ZNF268: variants seen among roughly 807,000 people sequenced by gnomAD.
ZNF268 encodes the protein zinc finger protein 268, also known as zinc finger protein 3.
Under a neutral mutation model 29.3 loss-of-function variants are expected in ZNF268, and 20 were observed. The ratio of observed to expected loss-of-function variants is 0.68; its 90% CI spans 0.48 to 0.99. The LOEUF is 0.99. Among genes scored for constraint, ZNF268 ranks in the 50% least tolerant of loss-of-function variants. The pLI, the probability that ZNF268 is intolerant of heterozygous loss-of-function variation, is 0.00. For synonymous variants in ZNF268, 429 were observed against 376.9 expected, an observed-to-expected ratio of 1.14 and a Z score of -1.60; for missense variants, 1,240 against 1,121.6, an observed-to-expected ratio of 1.11 and a Z score of -1.51.
rs1040568986 is a variant in ZNF268 at position 133,207,930 on chromosome 12, C to A, written c.*3400C>A. 1.3e-5 allele frequency: 2 copies of A among 152,146 alleles called. No individual in the cohort carries two copies. Among genetic ancestry groups the A allele is most frequent in the African/African-American group, 4.8e-5 (2 of 41,432 alleles). The allele number at this position is 152,146 out of a possible 1,614,324, so 9.4% of individuals were successfully genotyped here. On this transcript the variant is annotated 3_prime_UTR_variant, in exon 6 of 6. Coordinates refer to ENST00000536435, the MANE Select transcript of ZNF268 (RefSeq NM_003415.3). ...AAATCACTTGATGGAATTTAACACC[C>A]ATAGATGACACTAAAATACTATTAA... is the stretch of plus-strand genomic sequence containing the variant.
At chr12:133,181,768 C>T (rs1566359978) in intron 1 of ZNF268, 82 bp downstream of exon 1, 5 of 561,686 alleles carry the variant, frequency 8.9e-6, no homozygotes, top group South Asian at 4.5e-5. Flanking sequence ...TGACCCGGGG[C>T]GGTTGCCTGA....
chr12:133,198,443 T>C (rs951430673), intron 5 of ZNF268, among the ~76,000 whole-genome samples: 48 of 151,464 alleles, frequency 3.2e-4, no homozygotes, highest in South Asian at 1.0e-3. Context: ...TGTAGCCTTG[T>C]AGTATAGTTT....
chr12:133,183,804 A>G (rs753279823), intron 2 of ZNF268, among the ~76,000 whole-genome samples: 2 of 152,198 alleles, frequency 1.3e-5, no homozygotes, highest in Non-Finnish European at 2.9e-5. Flanking sequence ...GTGGTCAGGG[A>G]AATGACAAGA....
chr12:133,188,583 A>G (rs1414601977), intron 3 of ZNF268, among the ~76,000 whole-genome samples: 1 of 151,688 alleles, frequency 6.6e-6, no homozygotes, highest in South Asian at 2.1e-4. Context: ...CTCAATTTTC[A>G]TCTCCTTTCC....
chr12:133,210,366 C>T lies in ZNF268; in HGVS notation c.*5836C>T, dbSNP rs547022683. On this transcript the variant is annotated 3_prime_UTR_variant, in exon 6 of 6. Coordinates refer to ENST00000536435, the MANE Select transcript of ZNF268 (RefSeq NM_003415.3). ...GTTGCATCCCCCACCACGGGTCAGT[C>T]CTGAGGAGGATACTCTGGTCATCAC... 28 of 177,798 alleles carry T rather than the reference C, an allele frequency of 1.6e-4. No homozygotes were observed. Among genetic ancestry groups the T allele is most frequent in the African/African-American group, 6.5e-4 (28 of 42,772 alleles). The allele number at this position is 177,798 out of a possible 1,614,324, so 11.0% of individuals were successfully genotyped here.
chr12:133,198,211 A>G lies in ZNF268; in HGVS notation c.458-3933A>G, dbSNP rs1182809241. 6.8e-5 allele frequency among the ~76,000 whole-genome samples: 10 copies of G among 147,912 alleles called. No homozygotes were observed. In the East Asian group the frequency reaches 1.7e-3, roughly 26 times the overall value. On this transcript the variant is annotated intron_variant, in intron 5 of 5. Transcript: ENST00000536435. The stretch of plus-strand genomic sequence containing the variant: ...TAATCCATCTTGAATTGATTTTTGT[A>G]TAAGGTGTAAGGAAGGGATCCAGTT...
chr12:133,211,750 ACT>A lies in ZNF268; in HGVS notation c.*7224_*7225del, dbSNP rs1956985868. 1 of 152,216 alleles carries A rather than the reference ACT, an allele frequency of 6.6e-6. No homozygotes were observed. The highest frequency in any genetic ancestry group is 1.5e-5 in the Non-Finnish European group (1 of 68,066). 9.4% of individuals were successfully genotyped at this position (152,216 alleles called of 1,614,324 possible). On this transcript the variant is annotated 3_prime_UTR_variant, in exon 6 of 6. Transcript: ENST00000536435. ...AAGTAAATTTGCAATTGCAACAGGA[ACT>A]CTCATTCATTGCTGGTGCAATGCAT... is the stretch of plus-strand genomic sequence containing the variant.
rs958890201 is a variant in ZNF268 at position 133,206,788 on chromosome 12, A to G, written c.*2258A>G. ...TGAAGAATGATGATTCACAGAAGGGAAGGGACATCTTACATAAACAAATAA... is the reference window on the plus strand; with the variant it reads ...TGAAGAATGATGATTCACAGAAGGGGAGGGACATCTTACATAAACAAATAA... On this transcript the variant is annotated 3_prime_UTR_variant, in exon 6 of 6. Coordinates refer to ENST00000536435, the MANE Select transcript of ZNF268 (RefSeq NM_003415.3). 6.6e-6 allele frequency: 1 copy of G among 152,226 alleles called. No homozygotes were observed. Among genetic ancestry groups the G allele is most frequent in the Admixed American group, 6.5e-5 (1 of 15,280 alleles). 9.4% of individuals were successfully genotyped at this position (152,226 alleles called of 1,614,324 possible).
chr12:133,196,290 C>G (rs1956595720), intron 5 of ZNF268, among the ~76,000 whole-genome samples: 1 of 148,400 alleles, frequency 6.7e-6, no homozygotes, highest in Non-Finnish European at 1.5e-5. Flanking sequence ...CCACTGCACT[C>G]CAGCCTGGCG....
Position 133,207,304 on chromosome 12 carries a change from GGTTTAAAAATCCATATTTGTGA to G in ZNF268, c.*2775_*2796del, listed in dbSNP as rs1407595748. 1.9e-4 allele frequency: 4 copies of G among 20,650 alleles called. No individual in the cohort carries two copies. The highest frequency in any genetic ancestry group is 7.0e-4 in the Admixed American group (1 of 1,424). 1.3% of individuals were successfully genotyped at this position (20,650 alleles called of 1,614,324 possible). ...CTTGCAAACCATATTTGTGAACATA[GGTTTAAAAATCCATATTTGTGA>G]ACATAGGTTTAAAAATCCATATTTG... is the stretch of plus-strand genomic sequence containing the variant. On this transcript the variant is annotated 3_prime_UTR_variant, in exon 6 of 6. Coordinates refer to ENST00000536435, the MANE Select transcript of ZNF268 (RefSeq NM_003415.3).
rs781577602 is a variant in ZNF268 at position 133,188,004 on chromosome 12, C to A, written c.166C>A (p.Arg56Ser). ...AACACCCAGGCAGAAGCAGAAGAGT[C>A]GCAGAATAGAGAAAGTCCTAGAGTG... ...PGTPRQKQKSRRIEKVLEWLF... is the reference protein window; with the variant it reads ...PGTPRQKQKSSRIEKVLEWLF... Residue 56 changes from arginine (R) to serine (S), a missense_variant, in exon 3 of 6, where the codon CGC becomes AGC. Physicochemically the swap from Arg to Ser is moderately radical, Grantham distance 110 (BLOSUM62 -1). Transcript: ENST00000536435. 6.3e-7 allele frequency: 1 copy of A among 1,596,434 alleles called. No individual in the cohort carries two copies. The highest frequency in any genetic ancestry group is 8.5e-7 in the Non-Finnish European group (1 of 1,171,136).
chr12:133,182,609 T>C (rs1290678630), intron 2 of ZNF268, among the ~76,000 whole-genome samples: 1 of 152,084 alleles, frequency 6.6e-6, no homozygotes. Context: ...CCCTAACCCC[T>C]TACTCCCAAA....
At position 133,205,526 on chromosome 12, in the gene ZNF268, TATC is replaced by T. The variant is rs1401296805; in HGVS notation, c.*1000_*1002del. On this transcript the variant is annotated 3_prime_UTR_variant, in exon 6 of 6. Coordinates refer to ENST00000536435, the MANE Select transcript of ZNF268 (RefSeq NM_003415.3). ...ACTGACAATATCTCTGATATGACAATATCATCTTCCAGAGATTTCTACTCTGCA... is the reference window on the plus strand; with the variant it reads ...ACTGACAATATCTCTGATATGACAATATCTTCCAGAGATTTCTACTCTGCA... 2 of 152,166 alleles carry T rather than the reference TATC, an allele frequency of 1.3e-5. No homozygotes were observed. Among genetic ancestry groups the T allele is most frequent in the Non-Finnish European group, 2.9e-5 (2 of 68,022 alleles). 9.4% of individuals were successfully genotyped at this position (152,166 alleles called of 1,614,324 possible). A position where few individuals can be genotyped will look rare whatever the true frequency, so the allele number is the denominator to read the frequency against.
chr12:133,181,956 G>A lies in ZNF268; in HGVS notation c.-42G>A. ...TGCTCTCTCTTCTAGCATCCCTCGC[G>A]TCCTGTCACTTCCAGCGAGGCACAC... On this transcript the variant is annotated 5_prime_UTR_variant, in exon 2 of 6. Transcript: ENST00000536435. 6.4e-7 allele frequency: 1 copy of A among 1,554,218 alleles called. No homozygotes were observed. The highest frequency in any genetic ancestry group is 1.2e-5 in the South Asian group (1 of 84,166).
In ZNF268 at chr12:133,184,116, T is replaced by G. The variant is rs1343946037; in HGVS notation, c.33+2086T>G. Among the ~76,000 whole-genome samples, 4 of 124,610 alleles carry G rather than the reference T, an allele frequency of 3.2e-5. No homozygotes were observed. The South Asian group carries it at 8.8e-4, about 27-fold the overall frequency. The allele number at this position is 124,610 out of a possible 152,430, so 81.7% of individuals were successfully genotyped here. ...GATGAGGCCTGCTTTCTTGTTTTCT[T>G]TTTTTTTTTGGAGACAGTCTCTCTC... On this transcript the variant is annotated intron_variant, in intron 2 of 5. Coordinates refer to ENST00000536435, the MANE Select transcript of ZNF268 (RefSeq NM_003415.3).
In ZNF268 at chr12:133,210,854, G is replaced by A; in HGVS notation, c.*6324G>A. 2.2e-6 allele frequency: 1 copy of A among 456,046 alleles called. No individual in the cohort carries two copies. Among genetic ancestry groups the A allele is most frequent in the South Asian group, 1.5e-5 (1 of 64,570 alleles). The allele number at this position is 456,046 out of a possible 1,614,324, so 28.2% of individuals were successfully genotyped here. On this transcript the variant is annotated 3_prime_UTR_variant, in exon 6 of 6. Transcript: ENST00000536435. ...TGTGAGCAGAATGCAGGTACTGCAA[G>A]CAGGCTAGACAAGGTGTGTGCTTGC...
chr12:133,203,055 T>C lies in ZNF268; in HGVS notation c.1369T>C (p.Ser457Pro). The change falls in exon 6 of 6, where the codon TCA becomes CCA. Residue 457 changes from serine (S) to proline (P), a missense_variant. Transcript: ENST00000536435. ...SDCGKAFTFK[S>P]QLIVHQGIHT... is the part of the protein sequence containing the mutation. ...TTGTGGAAAAGCCTTTACATTCAAG[T>C]CACAGCTCATTGTACATCAGGGGAT... 1.3e-6 allele frequency: 2 copies of C among 1,538,830 alleles called. No individual in the cohort carries two copies. The highest frequency in any genetic ancestry group is 1.7e-6 in the Non-Finnish European group (2 of 1,147,464).
rs537945130 is a variant in ZNF268 at position 133,207,136 on chromosome 12, A to G, written c.*2606A>G. The G allele has an allele frequency of 2.1e-4, 32 of 152,330 alleles. No homozygotes were observed. Among genetic ancestry groups the G allele is most frequent in the Middle Eastern group, 3.4e-3 (1 of 294 alleles). 9.4% of individuals were successfully genotyped at this position (152,330 alleles called of 1,614,324 possible). A position where few individuals can be genotyped will look rare whatever the true frequency, so the allele number is the denominator to read the frequency against. On this transcript the variant is annotated 3_prime_UTR_variant, in exon 6 of 6. Transcript: ENST00000536435. Reference sequence around the variant, plus strand: ...AATTGAGTTACTGGTTTGTAAATCTATCTAGTCCTTCTACCCCAGCCCCAG... The same window carrying G: ...AATTGAGTTACTGGTTTGTAAATCTGTCTAGTCCTTCTACCCCAGCCCCAG...
At position 133,202,519 on chromosome 12, in the gene ZNF268, G is replaced by A. The variant is rs1449403424; in HGVS notation, c.833G>A (p.Cys278Tyr). The change falls in exon 6 of 6, where the codon TGC (cysteine) becomes TAC (tyrosine). Residue 278 changes from cysteine (C) to tyrosine (Y), a missense_variant. Physicochemically the swap from Cys to Tyr is radical, Grantham distance 194. Transcript: ENST00000536435. ...TATATGGGCGAAAAACCCTTTGGAT[G>A]CAGCTGTTGTGAGAAAGCCTTCAGC... is the stretch of plus-strand genomic sequence containing the variant. The part of the protein sequence containing the change: ...QMYMGEKPFG[C>Y]SCCEKAFSSK... The A allele has an allele frequency of 1.9e-6, 3 of 1,612,204 alleles. No individual in the cohort carries two copies. Among genetic ancestry groups the A allele is most frequent in the Non-Finnish European group, 2.5e-6 (3 of 1,179,148 alleles).
Sources: allele counts gnomAD v4.1 joint callset (sites outside exome capture counted in the v4.1 genomes callset), GRCh38; gene constraint gnomAD v4.1.1; transcripts MANE v1.5; gene names NCBI Gene and HGNC (gene_info 2026-07-23, HGNC 2026-07-21).